C1QTNF9: variants seen among roughly 807,000 people sequenced by gnomAD.
The protein encoded by C1QTNF9 is complement C1q and tumor necrosis factor-related protein 9A.
In C1QTNF9, 6 loss-of-function variants were observed where a neutral mutation model predicts 10.1. The ratio of observed to expected loss-of-function variants is 0.59; its 90% CI spans 0.32 to 1.17. The LOEUF (loss-of-function observed/expected upper bound fraction) is 1.17, where lower values mean the gene tolerates loss of function less well. Among genes scored for constraint, C1QTNF9 ranks in the 50% most tolerant of loss-of-function variants. C1QTNF9 has a pLI of 0.04. For missense variants in C1QTNF9, 201 were observed against 418.8 expected (o/e 0.48, Z 4.54); for synonymous variants, 98 against 163.5 (o/e 0.60, Z 3.06).
chr13:24,312,669 C>T (rs1008757279), intron 1 of C1QTNF9, among the ~76,000 whole-genome samples: 3 of 151,976 alleles, frequency 2.0e-5, no homozygotes, highest in Non-Finnish European at 2.9e-5. Flanking sequence ...AAAAATAGTG[C>T]CAAGCGGCCG....
At chr13:24,314,235 A>G (rs888304853) in intron 1 of C1QTNF9, among the ~76,000 whole-genome samples, 1 of 152,062 alleles carries the variant, frequency 6.6e-6, no homozygotes, top group African/African-American at 2.4e-5. Context: ...TTTTTGTTTT[A>G]CTTCATTTTT....
chr13:24,310,863 G>C (rs181581149), intron 1 of C1QTNF9, among the ~76,000 whole-genome samples: 3,294 of 141,268 alleles, frequency 0.023, 59 homozygotes, highest in Middle Eastern at 0.062. Context: ...AGTGAGCCGA[G>C]ATCGCGCCAC....
At chr13:24,313,342 G>C (rs1256062552) in intron 1 of C1QTNF9, among the ~76,000 whole-genome samples, 1 of 152,166 alleles carries the variant, frequency 6.6e-6, no homozygotes, top group Non-Finnish European at 1.5e-5. Flanking sequence ...GCAAATTGGA[G>C]TTTATCCTAA....
chr13:24,318,123 C>T (rs556306466), intron 2 of C1QTNF9, among the ~76,000 whole-genome samples: 1 of 152,186 alleles, frequency 6.6e-6, no homozygotes, highest in African/African-American at 2.4e-5. Context: ...GAGCTGTGGC[C>T]CAATGAGCAC....
At chr13:24,309,987 C>T (rs533700815) in intron 1 of C1QTNF9, among the ~76,000 whole-genome samples, 5 of 152,114 alleles carry the variant, frequency 3.3e-5, no homozygotes, top group Admixed American at 6.5e-5. Context: ...CCTCGCCTCC[C>T]GGGTTCAAGC....
chr13:24,309,283 T>TTTTATATATATATATATATATATA (rs1422107558), upstream of C1QTNF9, among the ~76,000 whole-genome samples: 1 of 68,264 alleles, frequency 1.5e-5, no homozygotes, highest in African/African-American at 4.9e-5. Context: ...ACTTAAAGTA[T>TTTTATATATATATATATATATATA]TATATATATA....
At chr13:24,310,239 C>T (rs1224724628) in intron 1 of C1QTNF9, among the ~76,000 whole-genome samples, 5 of 150,870 alleles carry the variant, frequency 3.3e-5, no homozygotes, top group East Asian at 2.0e-4. Context: ...CTGCAAGCTC[C>T]GCCTCCCGGG....
chr13:24,308,089 G>A (rs772271478), upstream of C1QTNF9, among the ~76,000 whole-genome samples: 1 of 152,252 alleles, frequency 6.6e-6, no homozygotes, highest in Non-Finnish European at 1.5e-5. Context: ...CTGGGCTGGA[G>A]TGTGCAGACG....
chr13:24,321,614 C>G, exon 4 of C1QTNF9: 1 of 1,614,208 alleles, frequency 6.2e-7, no homozygotes, highest in Non-Finnish European at 8.5e-7. Flanking sequence ...TACATGAGCT[C>G]TGAGGACCAG....
Position 24,316,425 on chromosome 13 carries a change from C to T in C1QTNF9, c.166+256C>T, listed in dbSNP as rs1878041134. ...AGAGCACAGGGCAAGATCGCCATGA[C>T]CCCTGCCCTCCTGGGTTCTCTCATC... On this transcript the variant is annotated intron_variant, in intron 2 of 3. Transcript: ENST00000332018. 2.0e-5 allele frequency among the ~76,000 whole-genome samples: 3 copies of T among 152,146 alleles called. No homozygotes were observed. In the South Asian group the frequency reaches 6.2e-4, roughly 31 times the overall value.
intron 3 of C1QTNF9, among the ~76,000 whole-genome samples, chr13:24,319,651 T>C (rs1878173031): frequency 6.6e-6 from 1 of 152,134 alleles, no homozygotes; most frequent in South Asian, 2.1e-4. Context: ...GTGGCTGTAG[T>C]TTGTTGAACC....
At chr13:24,319,473 G>A (rs1878165785) in intron 3 of C1QTNF9, among the ~76,000 whole-genome samples, 1 of 152,108 alleles carries the variant, frequency 6.6e-6, no homozygotes, top group Non-Finnish European at 1.5e-5. Context: ...TGGGAGGTTG[G>A]GGCTGCCATG....
At chr13:24,311,155 T>A (rs1394025422) in intron 1 of C1QTNF9, among the ~76,000 whole-genome samples, 1 of 152,096 alleles carries the variant, frequency 6.6e-6, no homozygotes, top group Non-Finnish European at 1.5e-5. Flanking sequence ...AATCTTAGTT[T>A]TGGAGAGTTA....
At chr13:24,316,072 C>T (rs767057381) in exon 2 of C1QTNF9, 1 of 1,613,642 alleles carries the variant, frequency 6.2e-7, no homozygotes. Flanking sequence ...AGGACACCTG[C>T]AGGCAAGGGC....
chr13:24,308,308 C>T (rs1323898286), upstream of C1QTNF9, among the ~76,000 whole-genome samples: 1 of 152,206 alleles, frequency 6.6e-6, no homozygotes, highest in Non-Finnish European at 1.5e-5. Flanking sequence ...TCGCGCGTTC[C>T]GTCGGGGCCG....
At chr13:24,307,243 A>T (rs1877632319), upstream of C1QTNF9, 1 of 152,210 alleles carries the variant, frequency 6.6e-6, no homozygotes, top group Non-Finnish European at 1.5e-5. Flanking sequence ...GCGTGGGAGA[A>T]GGGGGGCTCC....
intron 3 of C1QTNF9, among the ~76,000 whole-genome samples, chr13:24,319,451 A>G (rs905785565): frequency 2.6e-5 from 4 of 152,074 alleles, no homozygotes; most frequent in African/African-American, 9.7e-5. Flanking sequence ...AGGTGGGAGG[A>G]TCGCTTGAGC....
In C1QTNF9 at chr13:24,321,606, C is replaced by T. The variant is rs201050804; in HGVS notation, c.840C>T (p.Tyr280=). ...AAATACTGCACACCAAAGATGCTTA[C>T]ATGAGCTCTGAGGACCAGGCCTCTG... The change falls in exon 4 of 4, where the codon TAC becomes TAT. Residue 280 remains tyrosine (Y), a synonymous_variant. Transcript: ENST00000332018. 9 of 1,614,200 alleles carry T rather than the reference C, an allele frequency of 5.6e-6. 1 individual carries two copies. In the African/African-American group the frequency reaches 8.0e-5, roughly 14 times the overall value.
At chr13:24,321,955 T>A (rs902376973) in exon 4 of C1QTNF9, 1 of 678,708 alleles carries the variant, frequency 1.5e-6, no homozygotes. Flanking sequence ...ATATTTAAAA[T>A]AGCTGCATGG....
Sources: gnomAD v4.1 joint callset for allele counts (sites outside exome capture counted in the v4.1 genomes callset) on GRCh38, gnomAD v4.1.1 for gene constraint, MANE v1.5 for transcripts, NCBI Gene and HGNC (gene_info 2026-07-23, HGNC 2026-07-21) for gene names.